GARNL3: variants seen among roughly 807,000 people sequenced by gnomAD.
GARNL3 encodes the protein GTPase-activating Rap/Ran-GAP domain-like protein 3.
Under a neutral mutation model 125.0 loss-of-function variants are expected in GARNL3, and 63 were observed. That is an observed-to-expected ratio of 0.50 (90% CI 0.41 to 0.62). The LOEUF is 0.62. Ranked by LOEUF, GARNL3 falls within the 20% of genes least tolerant of loss-of-function variation. The probability of loss-of-function intolerance (pLI) is 0.00; values close to 1 mark genes in which losing one functional copy is unlikely to be tolerated. For synonymous variants in GARNL3, 439 were observed against 457.5 expected (o/e 0.96, Z 0.52); for missense variants, 994 against 1,244.0 (o/e 0.80, Z 3.02).
rs1332386934 is a variant in GARNL3, at chr9:127,393,556, C to T, written c.*302C>T. On this transcript the variant is annotated 3_prime_UTR_variant, in exon 28 of 28. Coordinates refer to ENST00000373387, the MANE Select transcript of GARNL3 (RefSeq NM_032293.5). ...TCATTCTTATTTACTGCAACCTTCT[C>T]ATATTTTATATACTTAGATGGAAAA... The T allele has an allele frequency of 2.0e-5, 4 of 196,532 alleles. No individual in the cohort carries two copies. The highest frequency in any genetic ancestry group is 4.1e-5 in the Non-Finnish European group (4 of 97,718). 12.2% of individuals were successfully genotyped at this position (196,532 alleles called of 1,614,324 possible).
chr9:127,272,913 A>G (rs1186207512), intron 1 of GARNL3, among the ~76,000 whole-genome samples: 1 of 152,170 alleles, frequency 6.6e-6, no homozygotes, highest in Admixed American at 6.5e-5. Context: ...ATTTTCTGTG[A>G]TGTAGAATTT....
intron 17 of GARNL3, among the ~76,000 whole-genome samples, chr9:127,352,423 A>G (rs567574415): frequency 3.7e-4 from 56 of 152,326 alleles, no homozygotes; most frequent in African/African-American, 1.2e-3. Context: ...CACAAATGGA[A>G]TAATTGTAGT....
intron 21 of GARNL3, among the ~76,000 whole-genome samples, chr9:127,358,422 C>T (rs1830802627): frequency 6.6e-6 from 1 of 152,222 alleles, no homozygotes; most frequent in Non-Finnish European, 1.5e-5. Context: ...CTAGTGAGGG[C>T]TTCCAGACCC....
chr9:127,313,403 C>A, intron 3 of GARNL3, 38 bp from the exon 4 acceptor site: 1 of 1,394,826 alleles, frequency 7.2e-7, no homozygotes, highest in Non-Finnish European at 1.0e-6. Context: ...CTGGCAGGAT[C>A]AGTTGCATTC....
rs776676152 is a variant in GARNL3, at chr9:127,384,559, C to T, written c.2270-468C>T. On this transcript the variant is annotated intron_variant, in intron 23 of 27. Coordinates refer to ENST00000373387, the MANE Select transcript of GARNL3 (RefSeq NM_032293.5). The surrounding 1 kb of genome is among the most constrained non-coding windows in gnomAD (Gnocchi z 4.0). ...GAATAAGATGCAGCCCCGGCTCAGA[C>T]GTGCAGCTGGAGGAGCACATGGGAG... Among the ~76,000 whole-genome samples, 2 of 152,184 alleles carry T rather than the reference C, an allele frequency of 1.3e-5. No individual in the cohort carries two copies. The highest frequency in any genetic ancestry group is 1.3e-4 in the Admixed American group (2 of 15,278).
In GARNL3 at chr9:127,383,357, T is replaced by G. The variant is rs1832370181; in HGVS notation, c.2162-81T>G. 18 of 812,914 alleles carry G rather than the reference T, an allele frequency of 2.2e-5. No homozygotes were observed. The South Asian group carries it at 2.9e-4, about 13-fold the overall frequency. The allele number at this position is 812,914 out of a possible 1,614,324, so 50.4% of individuals were successfully genotyped here. ...ACTAGCAGATAGGGTACTATTCTTG[T>G]TGCCTGTTTTTCATTTCTTTAATTA... On this transcript the variant is annotated intron_variant, in intron 22 of 27. Coordinates refer to ENST00000373387, the MANE Select transcript of GARNL3 (RefSeq NM_032293.5).
In GARNL3 at chr9:127,266,693, T is replaced by G. The variant is rs1484095403; in HGVS notation, c.144+1672T>G. 1.3e-5 allele frequency among the ~76,000 whole-genome samples: 2 copies of G among 152,220 alleles called. No homozygotes were observed. The highest frequency in any genetic ancestry group is 2.9e-5 in the Non-Finnish European group (2 of 68,036). On this transcript the variant is annotated intron_variant, in intron 1 of 27. Coordinates refer to ENST00000373387, the MANE Select transcript of GARNL3 (RefSeq NM_032293.5). This position sits in a 1 kb window ranked among gnomAD's most constrained non-coding sequence, Gnocchi z 4.0. ...AATGAGATCATGTACATAAAGTACT[T>G]AGCACATAAGCACAGTTTATGTTAA...
At chr9:127,359,840 T>C (rs920532598) in intron 21 of GARNL3, among the ~76,000 whole-genome samples, 2 of 152,224 alleles carry the variant, frequency 1.3e-5, no homozygotes, top group East Asian at 3.8e-4. Flanking sequence ...ATAGGATTTC[T>C]TTTTCCTATG....
rs188799781 is a variant in GARNL3 at position 127,352,031 on chromosome 9, A to G, written c.1544-1815A>G. Among the ~76,000 whole-genome samples the G allele has an allele frequency of 9.8e-5, 15 of 152,324 alleles. No individual in the cohort carries two copies. In the East Asian group the frequency reaches 1.7e-3, roughly 18 times the overall value. On this transcript the variant is annotated intron_variant, in intron 17 of 27. Coordinates refer to ENST00000373387, the MANE Select transcript of GARNL3 (RefSeq NM_032293.5). ...CTGTACACAGCTCGGCAGCTGTACA[A>G]TGTATACCTCTGTTCCTATGTAAAA...
At chr9:127,232,070 G>A (rs1173531904) in intron 1 of GARNL3, among the ~76,000 whole-genome samples, 1 of 152,218 alleles carries the variant, frequency 6.6e-6, no homozygotes, top group African/African-American at 2.4e-5. Context: ...ACTTCATAAA[G>A]CAAGCCTTTT....
intron 1 of GARNL3, among the ~76,000 whole-genome samples, chr9:127,275,220 C>T (rs950533433): frequency 6.6e-6 from 1 of 152,194 alleles, no homozygotes; most frequent in Admixed American, 6.5e-5. Context: ...GTGGTATTCA[C>T]ATGCCATGAA....
chr9:127,236,495 C>A (rs1042773986), intron 1 of GARNL3, among the ~76,000 whole-genome samples: 4 of 152,210 alleles, frequency 2.6e-5, no homozygotes, highest in African/African-American at 9.6e-5. Flanking sequence ...ACCAGACAGT[C>A]CGGAGCACAG....
intron 22 of GARNL3, among the ~76,000 whole-genome samples, chr9:127,366,472 C>A (rs952074131): frequency 6.6e-6 from 1 of 152,182 alleles, no homozygotes; most frequent in East Asian, 1.9e-4. Context: ...CTCCTGCTGC[C>A]CTGCATCCCC....
intron 22 of GARNL3, among the ~76,000 whole-genome samples, chr9:127,379,889 A>G (rs552955263): frequency 2.6e-4 from 39 of 152,306 alleles, no homozygotes; most frequent in Admixed American, 1.8e-3. Flanking sequence ...CCAAAATGCT[A>G]TCAGTACTGG....
chr9:127,243,784 T>C (rs2063244703), intron 2 of GARNL3, among the ~76,000 whole-genome samples: 1 of 152,186 alleles, frequency 6.6e-6, no homozygotes. Flanking sequence ...CTAAGGCCTA[T>C]AGGGTGGTAA....
At chr9:127,299,882 T>G (rs971293683) in intron 2 of GARNL3, among the ~76,000 whole-genome samples, 9 of 151,756 alleles carry the variant, frequency 5.9e-5, no homozygotes, top group Non-Finnish European at 1.0e-4. Flanking sequence ...TTTTGTATTT[T>G]TAGTAGAGAT....
intron 1 of GARNL3, among the ~76,000 whole-genome samples, chr9:127,229,610 C>A (rs142434879): frequency 2.6e-5 from 4 of 152,322 alleles, no homozygotes; most frequent in Non-Finnish European, 5.9e-5. Context: ...ATTCTCCAAC[C>A]CCAGCCTCCC....
At chr9:127,246,507 G>A (rs1480297305) in intron 2 of GARNL3, among the ~76,000 whole-genome samples, 3 of 152,130 alleles carry the variant, frequency 2.0e-5, no homozygotes, top group South Asian at 4.1e-4. Context: ...CAAAGGTCAT[G>A]TAGAAAATGA....
chr9:127,255,998 A>G (rs1198047361), intron 2 of GARNL3, among the ~76,000 whole-genome samples: 1 of 152,226 alleles, frequency 6.6e-6, no homozygotes, highest in Non-Finnish European at 1.5e-5. Context: ...CTGGAGAGAT[A>G]GACTTTCAAG....
Sources: gnomAD v4.1 joint callset for allele counts (sites outside exome capture counted in the v4.1 genomes callset) on GRCh38, gnomAD v4.1.1 for gene constraint, Gnocchi (gnomAD v3.1) non-coding constraint, MANE v1.5 for transcripts, NCBI Gene and HGNC (gene_info 2026-07-23, HGNC 2026-07-21) for gene names.